RIMBP2: variants seen among roughly 807,000 people sequenced by gnomAD.
RIMBP2 encodes RIMS-binding protein 2.
RIMBP2 carries 48 observed loss-of-function variants against 118.6 expected under a neutral mutation model. The ratio of observed to expected loss-of-function variants is 0.40; its 90% CI spans 0.32 to 0.51. The LOEUF is 0.51. Among genes scored for constraint, RIMBP2 ranks in the 20% least tolerant of loss-of-function variants. RIMBP2 has a pLI of 0.41. For synonymous variants in RIMBP2, 762 were observed against 742.9 expected (o/e 1.03, Z -0.42); for missense variants, 1,551 against 1,768.3 (o/e 0.88, Z 2.20).
chr12:130,601,829 G>T (rs2059898097), intron 2 of RIMBP2, among the ~76,000 whole-genome samples: 1 of 152,180 alleles, frequency 6.6e-6, no homozygotes, highest in Non-Finnish European at 1.5e-5. Flanking sequence ...ATTTAATTGA[G>T]CAGCTACTAT....
rs962070439 is a variant in RIMBP2 at position 130,656,377 on chromosome 12, G to A, written c.-351-27921C>T. Among the ~76,000 whole-genome samples the A allele has an allele frequency of 3.3e-5, 5 of 152,316 alleles. No homozygotes were observed. The South Asian group carries it at 6.2e-4, about 19-fold the overall frequency. ...TGGGGCTGGGCCAGCTCCTGACAGC[G>A]TCATACAGAGAGAAGCTTTCCCTTT... On this transcript the variant is annotated intron_variant, in intron 1 of 22. Coordinates refer to ENST00000690449, the MANE Select transcript of RIMBP2 (RefSeq NM_001393629.1).
chr12:130,552,140 G>C (rs527910767), intron 2 of RIMBP2, among the ~76,000 whole-genome samples: 4 of 152,302 alleles, frequency 2.6e-5, no homozygotes, highest in South Asian at 4.1e-4. Context: ...AAATCAATAA[G>C]AGAGCTTCTA....
At chr12:130,421,231 C>G (rs376811906) in intron 17 of RIMBP2, among the ~76,000 whole-genome samples, 1 of 152,168 alleles carries the variant, frequency 6.6e-6, no homozygotes, top group Non-Finnish European at 1.5e-5. Context: ...TTAGAATACC[C>G]GAAAGGAATC....
Position 130,415,356 on chromosome 12 carries a change from A to C in RIMBP2, c.3239-1050T>G, listed in dbSNP as rs566521595. Among the ~76,000 whole-genome samples, 4 of 152,352 alleles carry C rather than the reference A, an allele frequency of 2.6e-5. No individual in the cohort carries two copies. The South Asian group carries it at 8.3e-4, about 32-fold the overall frequency. ...TTGCAATAAAATCCAACATCCCTTC[A>C]TGATTAAAAAAACCCTCAACAATCT... On this transcript the variant is annotated intron_variant, in intron 17 of 22. Coordinates refer to ENST00000690449, the MANE Select transcript of RIMBP2 (RefSeq NM_001393629.1).
chr12:130,481,160 G>A (rs927759188), intron 4 of RIMBP2, among the ~76,000 whole-genome samples: 45 of 148,686 alleles, frequency 3.0e-4, no homozygotes, highest in South Asian at 2.1e-4. Context: ...TGGTGAGGGC[G>A]GGGGCACCCA....
At chr12:130,537,612 C>T (rs537734048) in intron 2 of RIMBP2, among the ~76,000 whole-genome samples, 2 of 152,294 alleles carry the variant, frequency 1.3e-5, no homozygotes, top group African/African-American at 2.4e-5. Context: ...GCGAAAGATC[C>T]GGGTGCATAT....
chr12:130,601,335 C>CA (rs35127958), intron 2 of RIMBP2, among the ~76,000 whole-genome samples: 20,079 of 62,988 alleles, frequency 0.32, 4,825 homozygotes, highest in Non-Finnish European at 0.44. Context: ...AGAGGGCAGG[C>CA]AAAAAAAAAA....
At chr12:130,507,312 G>C (rs956866985) in intron 3 of RIMBP2, among the ~76,000 whole-genome samples, 9 of 152,164 alleles carry the variant, frequency 5.9e-5, no homozygotes, top group African/African-American at 2.2e-4. Flanking sequence ...GGCATCATTT[G>C]AGCACCCAAA....
intron 6 of RIMBP2, among the ~76,000 whole-genome samples, chr12:130,460,601 T>A (rs556623548): frequency 5.9e-5 from 9 of 152,212 alleles, no homozygotes; most frequent in Non-Finnish European, 8.8e-5. Context: ...GTAGCAACAG[T>A]ATCATTATTA....
chr12:130,481,862 A>G (rs1189951072), intron 4 of RIMBP2, among the ~76,000 whole-genome samples: 1 of 151,820 alleles, frequency 6.6e-6, no homozygotes, highest in African/African-American at 2.4e-5. Context: ...CTGGGCTGTC[A>G]GCCCATTTGG....
rs1285765661 is a variant in RIMBP2 at position 130,664,475 on chromosome 12, G to A, written c.-351-36019C>T. On this transcript the variant is annotated intron_variant, in intron 1 of 22. Transcript: ENST00000690449. The stretch of plus-strand genomic sequence containing the variant: ...CACACATGCACGCACACACACGCAC[G>A]CACACGCATCACACACTCCCCATCC... Among the ~76,000 whole-genome samples, 113 of 92,618 alleles carry A rather than the reference G, an allele frequency of 1.2e-3. 3 individuals carry two copies. The highest frequency in any genetic ancestry group is 2.8e-4 in the East Asian group (1 of 3,562). The allele number at this position is 92,618 out of a possible 152,430, so 60.8% of individuals were successfully genotyped here. A position where few individuals can be genotyped will look rare whatever the true frequency, so the allele number is the denominator to read the frequency against.
intron 1 of RIMBP2, among the ~76,000 whole-genome samples, chr12:130,677,057 T>C (rs1266058133): frequency 6.6e-6 from 1 of 152,194 alleles, no homozygotes; most frequent in East Asian, 1.9e-4. Flanking sequence ...ATTAGGGGTT[T>C]TCAATCAGGA....
chr12:130,645,937 G>C (rs1026634448), intron 1 of RIMBP2, among the ~76,000 whole-genome samples: 3 of 152,118 alleles, frequency 2.0e-5, no homozygotes, highest in African/African-American at 7.2e-5. Context: ...TCACTGAATA[G>C]CTTTGTTTGC....
chr12:130,701,898 T>C (rs1371694093), intron 1 of RIMBP2, among the ~76,000 whole-genome samples: 4 of 151,864 alleles, frequency 2.6e-5, no homozygotes, highest in South Asian at 2.1e-4. Context: ...CCGCTGGAGG[T>C]ACATGCAGCC....
chr12:130,634,944 A>G (rs2062256506), intron 1 of RIMBP2, among the ~76,000 whole-genome samples: 2 of 152,024 alleles, frequency 1.3e-5, no homozygotes, highest in South Asian at 2.1e-4. Context: ...GTAACAACAG[A>G]GTCTCCAGCA....
At position 130,710,472 on chromosome 12, in the gene RIMBP2, G is replaced by A. The variant is rs1021068610; in HGVS notation, c.-352+5750C>T. Among the ~76,000 whole-genome samples, 1 of 151,748 alleles carries A rather than the reference G, an allele frequency of 6.6e-6. No homozygotes were observed. The highest frequency in any genetic ancestry group is 2.4e-5 in the African/African-American group (1 of 41,278). On this transcript the variant is annotated intron_variant, in intron 1 of 22. Transcript: ENST00000690449. The surrounding 1 kb of genome is among the most constrained non-coding windows in gnomAD (Gnocchi z 4.3). ...CACACACACACATACACACACACAC[G>A]TACACACACACATGTGTGCTCCCCA...
At chr12:130,632,955 A>C (rs1206275709) in intron 1 of RIMBP2, among the ~76,000 whole-genome samples, 1 of 152,202 alleles carries the variant, frequency 6.6e-6, no homozygotes, top group Non-Finnish European at 1.5e-5. Flanking sequence ...GCTCTGCCCC[A>C]TAAACATCTT....
chr12:130,618,835 T>G (rs1277350554), intron 2 of RIMBP2, among the ~76,000 whole-genome samples: 1 of 152,118 alleles, frequency 6.6e-6, no homozygotes, highest in South Asian at 2.1e-4. Context: ...TGCACCCAGT[T>G]GTACAAGGAT....
intron 1 of RIMBP2, among the ~76,000 whole-genome samples, chr12:130,711,247 GA>G (rs879784490): frequency 2.8e-4 from 42 of 150,602 alleles, no homozygotes; most frequent in Non-Finnish European, 5.0e-4. Context: ...TGTCTCAAAA[GA>G]AAAAAAAAGA....
Sources: allele counts gnomAD v4.1 joint callset (sites outside exome capture counted in the v4.1 genomes callset), GRCh38; gene constraint gnomAD v4.1.1; non-coding constraint Gnocchi (gnomAD v3.1); transcripts MANE v1.5; gene names NCBI Gene and HGNC (gene_info 2026-07-23, HGNC 2026-07-21).